Variants in PLXNA4 observed in about 807,000 individuals in gnomAD.
PLXNA4 encodes the protein plexin-A4.
Under a neutral mutation model 191.8 loss-of-function variants are expected in PLXNA4, and 44 were observed. The observed-to-expected ratio is 0.23, with a 90% CI of 0.18 to 0.29. PLXNA4 has a LOEUF of 0.29. PLXNA4 is among the 10% of genes least tolerant of loss of function. PLXNA4 has a pLI of 1.00. For synonymous variants in PLXNA4, 1,082 were observed against 1,009.5 expected (o/e 1.07, Z -1.36); for missense variants, 1,800 against 2,488.8 (o/e 0.72, Z 5.89).
rs144607122 is a variant in PLXNA4 at position 132,494,145 on chromosome 7, C to T, written c.1189-4671G>A. On this transcript the variant is annotated intron_variant, in intron 2 of 31. Transcript: ENST00000321063. ...TTGAGGAAATTCATGGTATCTATCT[C>T]AGAGGTATCATGAAAATTAAAGGGG... Among the ~76,000 whole-genome samples the T allele has an allele frequency of 2.0e-3, 302 of 152,254 alleles. 2 individuals are homozygous for T. The highest frequency in any genetic ancestry group is 6.8e-3 in the Middle Eastern group (2 of 294).
intron 21 of PLXNA4, 57 bp from the exon 22 acceptor site, chr7:132,168,629 T>TC (rs1796193419): frequency 1.1e-5 from 16 of 1,515,602 alleles, no homozygotes; most frequent in Middle Eastern, 3.6e-4. Flanking sequence ...CTCAGTGACC[T>TC]CCCCACGGGA....
chr7:132,413,210 G>A (rs1794530363), intron 3 of PLXNA4, among the ~76,000 whole-genome samples: 1 of 152,168 alleles, frequency 6.6e-6, no homozygotes, highest in South Asian at 2.1e-4. Flanking sequence ...AACAGAGTCT[G>A]CCTCCGGACT....
intron 3 of PLXNA4, among the ~76,000 whole-genome samples, chr7:132,414,460 G>C (rs1221832319): frequency 1.3e-5 from 2 of 152,180 alleles, no homozygotes; most frequent in African/African-American, 4.8e-5. Flanking sequence ...CATCAGAGGA[G>C]AGACTGCGGT....
intron 2 of PLXNA4, among the ~76,000 whole-genome samples, chr7:132,617,993 C>T (rs376758426): frequency 9.9e-5 from 15 of 152,138 alleles, no homozygotes; most frequent in African/African-American, 3.6e-4. Flanking sequence ...ACCTCCAGGC[C>T]CACTTTCCAG....
chr7:132,186,247 C>G (rs1224892910), intron 15 of PLXNA4, among the ~76,000 whole-genome samples: 2 of 152,226 alleles, frequency 1.3e-5, no homozygotes, highest in East Asian at 3.9e-4. Context: ...TGGGGCTGCA[C>G]AGTAGGACCA....
At chr7:132,174,664 A>G (rs1382735712) in intron 21 of PLXNA4, 114 bp downstream of exon 21, 1 of 1,495,000 alleles carries the variant, frequency 6.7e-7, no homozygotes, top group African/African-American at 1.4e-5. Context: ...GACCTTGGGC[A>G]AGTTGTGTCC....
At chr7:132,144,710 C>T (rs536660413) in intron 29 of PLXNA4, among the ~76,000 whole-genome samples, 15 of 152,304 alleles carry the variant, frequency 9.8e-5, no homozygotes, top group Admixed American at 1.3e-4. Context: ...TGCCTCTCAC[C>T]CTCATCTGTC....
intron 2 of PLXNA4, among the ~76,000 whole-genome samples, chr7:132,588,763 AAAG>A (rs1802553400): frequency 6.6e-6 from 1 of 151,098 alleles, no homozygotes; most frequent in African/African-American, 2.4e-5. Flanking sequence ...AAAGAGAGAA[AAAG>A]AAAGAAAGAG....
intron 3 of PLXNA4, among the ~76,000 whole-genome samples, chr7:132,468,984 T>C (rs892255957): frequency 1.3e-5 from 2 of 151,788 alleles, no homozygotes; most frequent in South Asian, 2.1e-4. Context: ...GCTTCCAGCC[T>C]GGAGGGCGAC....
chr7:132,326,708 C>T (rs1350238096), intron 3 of PLXNA4, among the ~76,000 whole-genome samples: 1 of 152,202 alleles, frequency 6.6e-6, no homozygotes, highest in African/African-American at 2.4e-5. Flanking sequence ...TCTAACACAT[C>T]TCTGTGCCCT....
chr7:132,202,915 G>A (rs1797488621), intron 11 of PLXNA4, 79 bp from the exon 12 acceptor site: 1 of 1,378,306 alleles, frequency 7.3e-7, no homozygotes. Flanking sequence ...GAGACAAAGA[G>A]TGCAGTGCCA....
chr7:132,164,915 A>AGTAG (rs1796078176), intron 23 of PLXNA4, among the ~76,000 whole-genome samples: 1 of 152,234 alleles, frequency 6.6e-6, no homozygotes, highest in African/African-American at 2.4e-5. Context: ...CTTGCCCGGC[A>AGTAG]GTAGGAAACT....
intron 3 of PLXNA4, among the ~76,000 whole-genome samples, chr7:132,312,990 C>T (rs958269900): frequency 3.9e-5 from 6 of 152,252 alleles, no homozygotes; most frequent in East Asian, 1.9e-4. Context: ...TCCTGTGAGT[C>T]GCTGCACTGA....
At chr7:132,253,541 A>G (rs1294700278) in intron 4 of PLXNA4, among the ~76,000 whole-genome samples, 1 of 152,200 alleles carries the variant, frequency 6.6e-6, no homozygotes, top group East Asian at 1.9e-4. Context: ...CACCATGCCC[A>G]GCCCAACTTT....
At chr7:132,597,362 A>G (rs2116835136) in intron 2 of PLXNA4, among the ~76,000 whole-genome samples, 1 of 152,356 alleles carries the variant, frequency 6.6e-6, no homozygotes, top group African/African-American at 2.4e-5. Context: ...TCACTATTCT[A>G]TCACAAGCAG....
chr7:132,378,236 C>A (rs1180612659), intron 3 of PLXNA4, among the ~76,000 whole-genome samples: 2 of 152,144 alleles, frequency 1.3e-5, no homozygotes, highest in African/African-American at 4.8e-5. Flanking sequence ...GCTCTGTGGG[C>A]CAGAGGTCTA....
intron 3 of PLXNA4, among the ~76,000 whole-genome samples, chr7:132,437,865 A>G (rs768468774): frequency 3.8e-4 from 58 of 152,252 alleles, no homozygotes; most frequent in Non-Finnish European, 6.5e-4. Flanking sequence ...TTCCCTCCAC[A>G]TTAAGTGGAA....
intron 3 of PLXNA4, among the ~76,000 whole-genome samples, chr7:132,323,985 T>C (rs1050921344): frequency 2.0e-5 from 3 of 152,142 alleles, no homozygotes; most frequent in African/African-American, 7.2e-5. Flanking sequence ...ATGGAGATGG[T>C]CCTGGACCAT....
chr7:132,198,126 G>T (rs535802116), intron 13 of PLXNA4, among the ~76,000 whole-genome samples: 3 of 152,240 alleles, frequency 2.0e-5, no homozygotes, highest in East Asian at 1.9e-4. Context: ...ATCAGTGCTG[G>T]GGGGGATGTG....
Sources: allele counts gnomAD v4.1 joint callset (sites outside exome capture counted in the v4.1 genomes callset), GRCh38; gene constraint gnomAD v4.1.1; transcripts MANE v1.5; gene names NCBI Gene and HGNC (gene_info 2026-07-23, HGNC 2026-07-21).